CYFIP2: variants seen among roughly 807,000 people sequenced by gnomAD.
The protein encoded by CYFIP2 is cytoplasmic FMR1-interacting protein 2.
Under a neutral mutation model 158.7 loss-of-function variants are expected in CYFIP2, and 29 were observed. The observed-to-expected ratio is 0.18, with a 90% CI of 0.14 to 0.25. The LOEUF is 0.25. CYFIP2 is among the 10% of genes least tolerant of loss of function. CYFIP2 has a pLI of 1.00. For missense variants in CYFIP2, 852 were observed against 1,639.5 expected (o/e 0.52, Z 8.29); for synonymous variants, 585 against 617.6 (o/e 0.95, Z 0.78).
chr5:157,306,946 T>TAC (rs1309019647), intron 8 of CYFIP2, among the ~76,000 whole-genome samples: 2 of 119,192 alleles, frequency 1.7e-5, no homozygotes, highest in African/African-American at 7.9e-5. Context: ...ACCTTAGCAG[T>TAC]ACCCTGCTCC....
intron 10 of CYFIP2, 93 bp downstream of exon 10, chr5:157,309,927 A>G: frequency 1.7e-6 from 2 of 1,208,344 alleles, no homozygotes; most frequent in Non-Finnish European, 2.4e-6. Flanking sequence ...CTCCCTCCCC[A>G]GATCCCTGGG....
In CYFIP2 at chr5:157,300,904, C is replaced by T. The variant is rs565299805; in HGVS notation, c.569+8C>T. 1.9e-6 allele frequency: 3 copies of T among 1,546,642 alleles called. No individual in the cohort carries two copies. The East Asian group carries it at 7.0e-5, about 36-fold the overall frequency. ...CCACTCTGCCTACAAGAGGTCAGGG[C>T]AACCTCCCCCTCTCCCCTTTCCCCA... On this transcript the variant is annotated splice_region_variant and intron_variant, in intron 6 of 30. Coordinates refer to ENST00000620254, the MANE Select transcript of CYFIP2 (RefSeq NM_001037333.3).
rs574187817 is a variant in CYFIP2, at chr5:157,352,058, C to A, written c.2674-6947C>A. Reference sequence around the variant, plus strand: ...AAGTAATCAAAATTAATATATGAATCAAAACTTTAAGAATATATTCTCTAA... The same window carrying A: ...AAGTAATCAAAATTAATATATGAATAAAAACTTTAAGAATATATTCTCTAA... On this transcript the variant is annotated intron_variant, in intron 23 of 30. Coordinates refer to ENST00000620254, the MANE Select transcript of CYFIP2 (RefSeq NM_001037333.3). 5.4e-4 allele frequency among the ~76,000 whole-genome samples: 82 copies of A among 152,252 alleles called. 2 individuals carry two copies. In the South Asian group the frequency reaches 0.016, roughly 30 times the overall value.
chr5:157,393,189 T>C lies in CYFIP2; in HGVS notation c.*189T>C, dbSNP rs1470671423. 8.2e-6 allele frequency: 4 copies of C among 489,648 alleles called. No homozygotes were observed. The highest frequency in any genetic ancestry group is 5.3e-4 in the Middle Eastern group (1 of 1,892). The allele number at this position is 489,648 out of a possible 1,614,324, so 30.3% of individuals were successfully genotyped here. A position where few individuals can be genotyped will look rare whatever the true frequency, so the allele number is the denominator to read the frequency against. On this transcript the variant is annotated 3_prime_UTR_variant, in exon 31 of 31. Coordinates refer to ENST00000620254, the MANE Select transcript of CYFIP2 (RefSeq NM_001037333.3). The stretch of plus-strand genomic sequence containing the variant: ...CTCTCCCATGACATCTCCATGCTGG[T>C]TTCTCCATAGCATAAATGAAAAAAA...
At chr5:157,305,391 C>G (rs1037443752) in intron 8 of CYFIP2, among the ~76,000 whole-genome samples, 10 of 152,234 alleles carry the variant, frequency 6.6e-5, no homozygotes, top group African/African-American at 2.4e-4. Flanking sequence ...ACAATTGTTT[C>G]ATCAGTTCAC....
At chr5:157,340,020 G>A (rs80253028) in intron 22 of CYFIP2, among the ~76,000 whole-genome samples, 12,620 of 152,280 alleles carry the variant, frequency 0.083, 683 homozygotes, top group Middle Eastern at 0.14. Context: ...GGATATCCAC[G>A]TATCTGAAAG....
At chr5:157,328,167 ACGGACC>A in intron 19 of CYFIP2, 118 bp downstream of exon 19, 1 of 934,744 alleles carries the variant, frequency 1.1e-6, no homozygotes, top group South Asian at 1.6e-5. Context: ...GAGCCATTCC[ACGGACC>A]CGGACTGGGT....
chr5:157,377,057 C>G (rs924751171), intron 26 of CYFIP2: 2 of 333,864 alleles, frequency 6.0e-6, no homozygotes, highest in Non-Finnish European at 6.0e-6. Flanking sequence ...TCTCTGGCCT[C>G]TGCTCACTTC....
chr5:157,310,682 C>T (rs1023193686), intron 10 of CYFIP2, among the ~76,000 whole-genome samples: 18 of 152,138 alleles, frequency 1.2e-4, no homozygotes, highest in Non-Finnish European at 2.5e-4. Context: ...TGGCTGGGAG[C>T]GGAGGCTAGG....
At chr5:157,322,983 T>G in intron 15 of CYFIP2, 4 of 1,536,018 alleles carry the variant, frequency 2.6e-6, no homozygotes, top group Non-Finnish European at 3.5e-6. Flanking sequence ...ACCCCACTGG[T>G]GGCACACAGG....
Position 157,394,527 on chromosome 5 carries a change from C to T in CYFIP2, c.*1527C>T, listed in dbSNP as rs1344512943. Reference sequence around the variant, plus strand: ...TATGAAAGGCCCCTTAGGTCAGATCCTGAGAGTAGCACATTTGAGTGCAGA... The same window carrying T: ...TATGAAAGGCCCCTTAGGTCAGATCTTGAGAGTAGCACATTTGAGTGCAGA... On this transcript the variant is annotated 3_prime_UTR_variant, in exon 31 of 31. Transcript: ENST00000620254. 1 of 152,218 alleles carries T rather than the reference C, an allele frequency of 6.6e-6. No individual in the cohort carries two copies. The highest frequency in any genetic ancestry group is 6.5e-5 in the Admixed American group (1 of 15,278). 9.4% of individuals were successfully genotyped at this position (152,218 alleles called of 1,614,324 possible). A position where few individuals can be genotyped will look rare whatever the true frequency, so the allele number is the denominator to read the frequency against.
intron 21 of CYFIP2, among the ~76,000 whole-genome samples, chr5:157,336,506 T>C (rs1761866378): frequency 6.6e-6 from 1 of 152,204 alleles, no homozygotes; most frequent in Non-Finnish European, 1.5e-5. Context: ...ACAGCCTCAG[T>C]GGCAGGCTTC....
intron 30 of CYFIP2, 68 bp downstream of exon 30, chr5:157,390,736 G>A: frequency 1.3e-6 from 2 of 1,548,070 alleles, no homozygotes; most frequent in Non-Finnish European, 1.7e-6. Flanking sequence ...TACCAGAAAA[G>A]CAAACAAGGA....
chr5:157,291,771 C>T (rs1757836709), intron 3 of CYFIP2, among the ~76,000 whole-genome samples: 1 of 152,140 alleles, frequency 6.6e-6, no homozygotes, highest in South Asian at 2.1e-4. Flanking sequence ...ACAGAACTGT[C>T]ATAAGTAAAT....
intron 1 of CYFIP2, among the ~76,000 whole-genome samples, chr5:157,279,553 G>A (rs1171266795): frequency 6.6e-6 from 1 of 151,832 alleles, no homozygotes; most frequent in Non-Finnish European, 1.5e-5. Flanking sequence ...CTGCCTGGGG[G>A]GGCACCTAAA....
chr5:157,364,246 C>A (rs1182906764), intron 26 of CYFIP2: 1 of 151,316 alleles, frequency 6.6e-6, no homozygotes. Flanking sequence ...CCGAGTGTCT[C>A]CTGTTAAGCA....
At chr5:157,324,556 G>C (rs943289699) in intron 16 of CYFIP2, among the ~76,000 whole-genome samples, 1 of 152,162 alleles carries the variant, frequency 6.6e-6, no homozygotes, top group Non-Finnish European at 1.5e-5. Flanking sequence ...TCATATGTCT[G>C]CTGGCATTGA....
intron 3 of CYFIP2, among the ~76,000 whole-genome samples, chr5:157,292,902 T>G (rs1227969624): frequency 1.3e-5 from 2 of 152,160 alleles, no homozygotes; most frequent in East Asian, 3.8e-4. Flanking sequence ...TCTATGAGAT[T>G]ATTATTATTA....
chr5:157,281,432 T>C (rs1756979521), intron 1 of CYFIP2, among the ~76,000 whole-genome samples: 1 of 152,200 alleles, frequency 6.6e-6, no homozygotes, highest in Non-Finnish European at 1.5e-5. Flanking sequence ...TATCTAGTGG[T>C]ATAGTTTAAG....
Sources: allele counts gnomAD v4.1 joint callset (sites outside exome capture counted in the v4.1 genomes callset), GRCh38; gene constraint gnomAD v4.1.1; transcripts MANE v1.5; gene names NCBI Gene and HGNC (gene_info 2026-07-23, HGNC 2026-07-21).